Variants in TPRG1 observed in about 807,000 individuals in gnomAD.
TPRG1 encodes tumor protein p63-regulated gene 1 protein.
Under a neutral mutation model 29.3 loss-of-function variants are expected in TPRG1, and 29 were observed. The observed-to-expected ratio is 0.99, with a 90% CI of 0.74 to 1.35. TPRG1 has a LOEUF of 1.35. Among genes scored for constraint, TPRG1 ranks in the 40% most tolerant of loss-of-function variants. The pLI is 0.00. For missense variants in TPRG1, 327 were observed against 335.0 expected, an observed-to-expected ratio of 0.98 and a Z score of 0.19; for synonymous variants, 130 against 116.8, an observed-to-expected ratio of 1.11 and a Z score of -0.73.
chr3:189,276,020 A>C (rs577307845), intron 4 of TPRG1, among the ~76,000 whole-genome samples: 1 of 152,110 alleles, frequency 6.6e-6, no homozygotes, highest in Non-Finnish European at 1.5e-5. Context: ...AACCTTAAGC[A>C]TTGGTTGGTT....
At chr3:189,003,918 G>T (rs1351037698) in intron 2 of TPRG1, among the ~76,000 whole-genome samples, 1 of 152,046 alleles carries the variant, frequency 6.6e-6, no homozygotes, top group East Asian at 1.9e-4. Flanking sequence ...GGTAGTGGGG[G>T]ATTTATACCA....
chr3:189,324,046 A>T lies in TPRG1; in HGVS notation c.*3226A>T, dbSNP rs1431283906. 1.3e-5 allele frequency: 2 copies of T among 152,132 alleles called. No homozygotes were observed. The highest frequency in any genetic ancestry group is 6.6e-5 in the Admixed American group (1 of 15,250). The allele number at this position is 152,132 out of a possible 1,614,324, so 9.4% of individuals were successfully genotyped here. A position where few individuals can be genotyped will look rare whatever the true frequency, so the allele number is the denominator to read the frequency against. On this transcript the variant is annotated 3_prime_UTR_variant, in exon 6 of 6. Transcript: ENST00000345063. ...CACCAGGACTCACTCCTCGGTGGTCAATTGGGCCTGTTTGGAGGCCTGACC... is the reference window on the plus strand; with the variant it reads ...CACCAGGACTCACTCCTCGGTGGTCTATTGGGCCTGTTTGGAGGCCTGACC...
At chr3:189,139,813 G>A (rs1724296177) in intron 3 of TPRG1, among the ~76,000 whole-genome samples, 1 of 152,040 alleles carries the variant, frequency 6.6e-6, no homozygotes, top group Admixed American at 6.6e-5. Flanking sequence ...ACATGGAAAT[G>A]TACCGGCTGG....
At chr3:189,184,453 T>A (rs1455671941) in intron 1 of TPRG1, among the ~76,000 whole-genome samples, 2 of 152,340 alleles carry the variant, frequency 1.3e-5, no homozygotes, top group South Asian at 2.1e-4. Context: ...TATGTCCAGA[T>A]AAATATAGAA....
intron 4 of TPRG1, among the ~76,000 whole-genome samples, chr3:189,038,794 CA>C (rs59131158): frequency 0.89 from 115,988 of 129,800 alleles, 52,180 homozygotes; most frequent in East Asian, 0.98. Context: ...GAGTAATTGG[CA>C]AAAAAAAAAA....
chr3:189,322,185 A>G lies in TPRG1; in HGVS notation c.*1365A>G, dbSNP rs1724379962. ...AATTGACACATCTTTGTTGATGTTT[A>G]AGTTGAAATTCCAGCCAACTTTTTT... is the stretch of plus-strand genomic sequence containing the variant. On this transcript the variant is annotated 3_prime_UTR_variant, in exon 6 of 6. Coordinates refer to ENST00000345063, the MANE Select transcript of TPRG1 (RefSeq NM_198485.4). 6.6e-6 allele frequency: 1 copy of G among 152,028 alleles called. No homozygotes were observed. The highest frequency in any genetic ancestry group is 2.4e-5 in the African/African-American group (1 of 41,432). 9.4% of individuals were successfully genotyped at this position (152,028 alleles called of 1,614,324 possible). A position where few individuals can be genotyped will look rare whatever the true frequency, so the allele number is the denominator to read the frequency against.
intron 1 of TPRG1, among the ~76,000 whole-genome samples, chr3:189,111,117 CAAAA>C (rs35288926): frequency 6.6e-6 from 1 of 151,066 alleles, no homozygotes; most frequent in Non-Finnish European, 1.5e-5. Flanking sequence ...AACAAACAAA[CAAAA>C]AAAATCTTAC....
At chr3:189,032,584 C>A (rs200139067) in intron 4 of TPRG1, among the ~76,000 whole-genome samples, 1 of 150,422 alleles carries the variant, frequency 6.6e-6, no homozygotes, top group Non-Finnish European at 1.5e-5. Flanking sequence ...ATTAATCTCT[C>A]CTTTTTTTTT....
intron 4 of TPRG1, among the ~76,000 whole-genome samples, chr3:189,057,804 GTA>G (rs1170680162): frequency 2.1e-5 from 3 of 140,750 alleles, no homozygotes; most frequent in Non-Finnish European, 3.1e-5. Context: ...GGGTATGTAT[GTA>G]TATATATGTG....
chr3:189,050,488 C>A (rs913530798), intron 4 of TPRG1, among the ~76,000 whole-genome samples: 1 of 152,230 alleles, frequency 6.6e-6, no homozygotes. Context: ...AGATTCAGAG[C>A]AGAATTCTAT....
In TPRG1 at chr3:189,320,902, T is replaced by C; in HGVS notation, c.*82T>C. 1 of 1,158,542 alleles carries C rather than the reference T, an allele frequency of 8.6e-7. No homozygotes were observed. The highest frequency in any genetic ancestry group is 1.2e-6 in the Non-Finnish European group (1 of 860,522). 71.8% of individuals were successfully genotyped at this position (1,158,542 alleles called of 1,614,324 possible). ...AGTTTGACCCACGCTATTTTTGGAC[T>C]GAAACAATTAATTATTTTTAAATGA... On this transcript the variant is annotated 3_prime_UTR_variant, in exon 6 of 6. Coordinates refer to ENST00000345063, the MANE Select transcript of TPRG1 (RefSeq NM_198485.4).
At chr3:189,187,762 C>G (rs1294187791) in intron 1 of TPRG1, among the ~76,000 whole-genome samples, 4 of 152,184 alleles carry the variant, frequency 2.6e-5, no homozygotes, top group Admixed American at 2.6e-4. Context: ...CTTCTGACTC[C>G]AAAGCTTTCT....
intron 4 of TPRG1, among the ~76,000 whole-genome samples, chr3:189,058,114 G>A (rs1010278295): frequency 1.3e-5 from 2 of 152,028 alleles, no homozygotes; most frequent in South Asian, 4.1e-4. Context: ...ACTACCTGTA[G>A]AGTGAGTTTG....
chr3:189,311,069 C>A (rs1018627957), intron 5 of TPRG1, among the ~76,000 whole-genome samples: 2 of 152,150 alleles, frequency 1.3e-5, no homozygotes, highest in African/African-American at 4.8e-5. Context: ...TTCACAATTT[C>A]TTTGTCTTTA....
chr3:189,139,075 C>T (rs924951244), intron 3 of TPRG1, among the ~76,000 whole-genome samples: 3 of 152,152 alleles, frequency 2.0e-5, no homozygotes, highest in Non-Finnish European at 4.4e-5. Flanking sequence ...AACTTACAGC[C>T]CCAACATTTA....
chr3:189,288,899 G>C (rs1718525052), intron 4 of TPRG1, among the ~76,000 whole-genome samples: 1 of 152,240 alleles, frequency 6.6e-6, no homozygotes, highest in Admixed American at 6.5e-5. Context: ...ATTCCAGCTT[G>C]TTATGAGGTA....
intron 5 of TPRG1, among the ~76,000 whole-genome samples, chr3:189,165,248 A>T (rs901666809): frequency 2.6e-5 from 4 of 151,762 alleles, no homozygotes; most frequent in Admixed American, 2.6e-4. Context: ...TAACCTTACC[A>T]CACCCTCAAC....
At chr3:189,215,048 A>G (rs1735855183) in intron 2 of TPRG1, among the ~76,000 whole-genome samples, 1 of 151,810 alleles carries the variant, frequency 6.6e-6, no homozygotes, top group Admixed American at 6.6e-5. Flanking sequence ...CTTCATTTAT[A>G]TAATTAAATC....
At chr3:189,199,736 G>A (rs1420376863) in intron 1 of TPRG1, among the ~76,000 whole-genome samples, 1 of 152,094 alleles carries the variant, frequency 6.6e-6, no homozygotes, top group African/African-American at 2.4e-5. Flanking sequence ...AGCTACTCAG[G>A]AGGCTGATGC....
Sources: gnomAD v4.1 joint callset for allele counts (sites outside exome capture counted in the v4.1 genomes callset) on GRCh38, gnomAD v4.1.1 for gene constraint, MANE v1.5 for transcripts, NCBI Gene and HGNC (gene_info 2026-07-23, HGNC 2026-07-21) for gene names.